The following GRM5 variants were observed in gnomAD, a reference collection of about 807,000 sequenced individuals.
GRM5 encodes glutamate metabotropic receptor 5, also known as metabotropic glutamate receptor 5.
In GRM5, 19 loss-of-function variants were observed where a neutral mutation model predicts 83.1. The ratio of observed to expected loss-of-function variants is 0.23; its 90% CI spans 0.16 to 0.34. The LOEUF (loss-of-function observed/expected upper bound fraction) is 0.34. Ranked by LOEUF, GRM5 falls within the 10% of genes least tolerant of loss-of-function variation. The pLI, the probability that GRM5 is intolerant of heterozygous loss-of-function variation, is 1.00. For missense variants in GRM5, 1,160 were observed against 1,588.3 expected, an observed-to-expected ratio of 0.73 and a Z score of 4.58; for synonymous variants, 675 against 633.6, an observed-to-expected ratio of 1.07 and a Z score of -0.98.
At chr11:88,791,604 C>A (rs1234558602) in intron 3 of GRM5, among the ~76,000 whole-genome samples, 3 of 152,072 alleles carry the variant, frequency 2.0e-5, no homozygotes, top group Non-Finnish European at 4.4e-5. Flanking sequence ...CTTTTTGTTT[C>A]TATTATATAT....
intron 8 of GRM5, among the ~76,000 whole-genome samples, chr11:88,554,139 TC>T (rs1381236513): frequency 6.6e-6 from 1 of 152,118 alleles, no homozygotes; most frequent in Admixed American, 6.6e-5. Context: ...AGGGCTACAT[TC>T]CTTTCTGGAG....
At chr11:88,905,898 A>G (rs1945394481) in intron 2 of GRM5, among the ~76,000 whole-genome samples, 1 of 152,308 alleles carries the variant, frequency 6.6e-6, no homozygotes, top group South Asian at 2.1e-4. Context: ...AGAGAAACAT[A>G]TGCATTCTCT....
chr11:88,965,525 A>G (rs1227934258), intron 2 of GRM5, among the ~76,000 whole-genome samples: 1 of 152,150 alleles, frequency 6.6e-6, no homozygotes, highest in African/African-American at 2.4e-5. Flanking sequence ...ACTACATTAA[A>G]TATATAGCCT....
At chr11:88,838,112 T>C (rs1461540052) in intron 3 of GRM5, among the ~76,000 whole-genome samples, 1 of 96,398 alleles carries the variant, frequency 1.0e-5, no homozygotes, top group African/African-American at 3.2e-5. Flanking sequence ...AAAAAAAAGA[T>C]ATAAGTAACG....
At chr11:88,821,344 C>CAAAAAAA (rs375051761) in intron 3 of GRM5, among the ~76,000 whole-genome samples, 151 of 66,372 alleles carry the variant, frequency 2.3e-3, no homozygotes, top group Non-Finnish European at 3.5e-3. Flanking sequence ...CTTGAGGGGC[C>CAAAAAAA]AAAAAAAAAA....
chr11:89,006,954 C>A (rs1022960548), intron 2 of GRM5, among the ~76,000 whole-genome samples: 4 of 152,140 alleles, frequency 2.6e-5, no homozygotes, highest in African/African-American at 9.7e-5. Context: ...CCCGCCACCA[C>A]ACCCGGCTAA....
chr11:88,809,373 G>A (rs946556657), intron 3 of GRM5, among the ~76,000 whole-genome samples: 7 of 151,960 alleles, frequency 4.6e-5, no homozygotes, highest in Non-Finnish European at 7.4e-5. Flanking sequence ...ATCATATATT[G>A]GCTTTTCAAT....
intron 2 of GRM5, among the ~76,000 whole-genome samples, chr11:88,926,165 C>T (rs1370539706): frequency 6.6e-6 from 1 of 152,122 alleles, no homozygotes; most frequent in Non-Finnish European, 1.5e-5. Flanking sequence ...TACATTACTT[C>T]TGTGTCTTAC....
rs114700117 is a variant in GRM5, at chr11:88,700,454, A to C, written c.912-47051T>G. On this transcript the variant is annotated intron_variant, in intron 3 of 9. Transcript: ENST00000305447. ...CTTTCAAAACTACAACCTAGAAGCA[A>C]TAGAGACAACAGCTGGGTCCCCAGT... Among the ~76,000 whole-genome samples the C allele has an allele frequency of 4.7e-3, 715 of 152,284 alleles. 4 individuals are homozygous for C. The highest frequency in any genetic ancestry group is 0.016 in the African/African-American group (668 of 41,574).
chr11:88,850,247 A>C, intron 2 of GRM5, 92 bp from the exon 3 acceptor site: 1 of 764,600 alleles, frequency 1.3e-6, no homozygotes, highest in Non-Finnish European at 2.2e-6. Context: ...GGAGCATGAA[A>C]GTCATTGGTA....
intron 2 of GRM5, among the ~76,000 whole-genome samples, chr11:88,988,464 A>T (rs1939821252): frequency 6.6e-6 from 1 of 152,294 alleles, no homozygotes; most frequent in Non-Finnish European, 1.5e-5. Flanking sequence ...GAACTTCCCC[A>T]ATCTAACAAG....
At chr11:88,998,407 T>C (rs1159671272) in intron 2 of GRM5, among the ~76,000 whole-genome samples, 10 of 152,176 alleles carry the variant, frequency 6.6e-5, no homozygotes, top group South Asian at 6.2e-4. Context: ...CTCAGGAATA[T>C]AGGAATAGAG....
At chr11:88,734,614 C>A (rs72643313) in intron 3 of GRM5, among the ~76,000 whole-genome samples, 10,380 of 152,014 alleles carry the variant, frequency 0.068, 581 homozygotes, top group African/African-American at 0.15. Context: ...TAAATTTTTT[C>A]TTGCAAAATA....
At chr11:89,061,046 C>T (rs552058128) in intron 1 of GRM5, among the ~76,000 whole-genome samples, 3 of 152,046 alleles carry the variant, frequency 2.0e-5, no homozygotes, top group Non-Finnish European at 1.5e-5. Flanking sequence ...ATATATCCAA[C>T]CTCTAAACCA....
intron 4 of GRM5, among the ~76,000 whole-genome samples, chr11:88,629,347 G>A (rs10734166): frequency 0.99 from 151,406 of 152,312 alleles, 75,263 homozygotes; most frequent in East Asian, 1. Flanking sequence ...GCTATGCGCC[G>A]TACATATCTA....
intron 3 of GRM5, among the ~76,000 whole-genome samples, chr11:88,728,625 A>G (rs1362159862): frequency 6.6e-6 from 1 of 152,222 alleles, no homozygotes; most frequent in Non-Finnish European, 1.5e-5. Context: ...AAAATCCTCA[A>G]TAAAATACTG....
At chr11:88,820,155 C>T (rs192014201) in intron 3 of GRM5, among the ~76,000 whole-genome samples, 9 of 151,000 alleles carry the variant, frequency 6.0e-5, no homozygotes, top group Middle Eastern at 3.4e-3. Flanking sequence ...CCAAGGCAGG[C>T]AGATCATGAG....
At chr11:88,926,927 A>G (rs646147) in intron 2 of GRM5, among the ~76,000 whole-genome samples, 142,516 of 152,208 alleles carry the variant, frequency 0.94, 66,813 homozygotes, top group South Asian at 0.97. Context: ...TTTGATAATT[A>G]TATTTCAACT....
At chr11:88,740,306 GCT>G (rs1942000386) in intron 3 of GRM5, among the ~76,000 whole-genome samples, 1 of 151,938 alleles carries the variant, frequency 6.6e-6, no homozygotes, top group Non-Finnish European at 1.5e-5. Flanking sequence ...GGGAATAATA[GCT>G]TTCTATTGCC....
Sources: allele counts gnomAD v4.1 joint callset (sites outside exome capture counted in the v4.1 genomes callset), GRCh38; gene constraint gnomAD v4.1.1; transcripts MANE v1.5; gene names NCBI Gene and HGNC (gene_info 2026-07-23, HGNC 2026-07-21).